KCNB2: variants seen among roughly 807,000 people sequenced by gnomAD.
KCNB2 encodes the protein potassium voltage-gated channel subfamily B member 2, also known as delayed rectifier potassium channel protein.
A neutral mutation model predicts 61.5 loss-of-function variants in KCNB2; 15 were observed. The observed-to-expected ratio is 0.24, with a 90% CI of 0.16 to 0.38. The LOEUF (loss-of-function observed/expected upper bound fraction) is 0.38, where lower values mean the gene tolerates loss of function less well. Ranked by LOEUF, KCNB2 falls within the 10% of genes least tolerant of loss-of-function variation. The pLI, the probability that KCNB2 is intolerant of heterozygous loss-of-function variation, is 1.00. For synonymous variants in KCNB2, 457 were observed against 446.0 expected (o/e 1.02, Z -0.31); for missense variants, 828 against 1,125.2 (o/e 0.74, Z 3.78).
intron 2 of KCNB2, among the ~76,000 whole-genome samples, chr8:72,762,246 G>C (rs754880792): frequency 1.3e-5 from 2 of 152,182 alleles, no homozygotes; most frequent in Non-Finnish European, 2.9e-5. Flanking sequence ...GGGATGTGCT[G>C]TGGATTTGAG....
rs556722756 is a variant in KCNB2, at chr8:72,825,300, A to G, written c.580-110635A>G. ...ATTTTGTCTACCCATTCTTCCATCTATGGCATTTGGGTTGCTTTCACCTTT... is the reference window on the plus strand; with the variant it reads ...ATTTTGTCTACCCATTCTTCCATCTGTGGCATTTGGGTTGCTTTCACCTTT... On this transcript the variant is annotated intron_variant, in intron 2 of 2. Transcript: ENST00000523207. 1.1e-4 allele frequency among the ~76,000 whole-genome samples: 16 copies of G among 152,282 alleles called. No homozygotes were observed. The South Asian group carries it at 2.1e-3, about 20-fold the overall frequency.
rs1406310738 is a variant in KCNB2, at chr8:72,920,473, C to CTATCTATA, written c.580-15459_580-15458insCTATATAT. 7.6e-4 allele frequency among the ~76,000 whole-genome samples: 60 copies of CTATCTATA among 78,800 alleles called. 7 individuals are homozygous for CTATCTATA. Among genetic ancestry groups the CTATCTATA allele is most frequent in the African/African-American group, 2.7e-3 (60 of 22,182 alleles). The allele number at this position is 78,800 out of a possible 152,430, so 51.7% of individuals were successfully genotyped here. A position where few individuals can be genotyped will look rare whatever the true frequency, so the allele number is the denominator to read the frequency against. The stretch of plus-strand genomic sequence containing the variant: ...TCTATCTATCTATCTATCTATCTAT[C>CTATCTATA]TATATATATATATATTAGCTGGCCA... On this transcript the variant is annotated intron_variant, in intron 2 of 2. Coordinates refer to ENST00000523207, the MANE Select transcript of KCNB2 (RefSeq NM_004770.3).
chr8:72,800,114 G>C (rs1809099351), intron 2 of KCNB2, among the ~76,000 whole-genome samples: 1 of 152,134 alleles, frequency 6.6e-6, no homozygotes, highest in South Asian at 2.1e-4. Context: ...AGAATTATCT[G>C]TATTTAAGTA....
chr8:72,737,689 C>A (rs1461572523), intron 2 of KCNB2, among the ~76,000 whole-genome samples: 1 of 152,094 alleles, frequency 6.6e-6, no homozygotes, highest in African/African-American at 2.4e-5. Flanking sequence ...AGTAGTTGGA[C>A]GTGGCAATGG....
intron 2 of KCNB2, among the ~76,000 whole-genome samples, chr8:72,572,528 C>T (rs933252945): frequency 2.0e-5 from 3 of 151,884 alleles, no homozygotes; most frequent in African/African-American, 7.3e-5. Flanking sequence ...CCCTTTCCCC[C>T]ACTCCTCTCC....
intron 2 of KCNB2, among the ~76,000 whole-genome samples, chr8:72,568,962 G>C (rs1806669030): frequency 6.6e-6 from 1 of 151,494 alleles, no homozygotes; most frequent in African/African-American, 2.4e-5. Context: ...ATGTATCAGA[G>C]TTCATAAAAT....
intron 2 of KCNB2, among the ~76,000 whole-genome samples, chr8:72,693,144 T>G (rs1026086928): frequency 6.6e-6 from 1 of 152,210 alleles, no homozygotes; most frequent in African/African-American, 2.4e-5. Flanking sequence ...TTAGGTGCCC[T>G]TTGCCTTACC....
At chr8:72,733,311 G>GTTGA (rs1807782521) in intron 2 of KCNB2, among the ~76,000 whole-genome samples, 1 of 152,020 alleles carries the variant, frequency 6.6e-6, no homozygotes, top group South Asian at 2.1e-4. Context: ...CAAGAATTTT[G>GTTGA]ACTTTGGCTT....
chr8:72,821,158 C>T (rs747053902), intron 2 of KCNB2, among the ~76,000 whole-genome samples: 5 of 152,156 alleles, frequency 3.3e-5, no homozygotes, highest in Admixed American at 6.5e-5. Flanking sequence ...TGTCCCACTG[C>T]GACTTTCTTT....
intron 2 of KCNB2, among the ~76,000 whole-genome samples, chr8:72,612,251 C>A (rs558504256): frequency 2.1e-4 from 32 of 152,210 alleles, no homozygotes; most frequent in Non-Finnish European, 2.9e-4. Context: ...ATTTATTGTT[C>A]TAAAATCAAA....
chr8:72,621,053 T>C (rs960600299), intron 2 of KCNB2, among the ~76,000 whole-genome samples: 1 of 152,226 alleles, frequency 6.6e-6, no homozygotes, highest in Non-Finnish European at 1.5e-5. Context: ...TATTCCAGAA[T>C]AGGAAATATT....
intron 1 of KCNB2, among the ~76,000 whole-genome samples, chr8:72,558,050 G>T (rs1303753252): frequency 6.6e-6 from 1 of 152,108 alleles, no homozygotes. Flanking sequence ...TTCATTTTTT[G>T]GGGGTAGTCC....
At chr8:72,868,636 C>A (rs1250267477) in intron 2 of KCNB2, among the ~76,000 whole-genome samples, 4 of 151,820 alleles carry the variant, frequency 2.6e-5, no homozygotes, top group African/African-American at 9.7e-5. Context: ...AAAAAGGACC[C>A]CATTATTAAA....
intron 2 of KCNB2, among the ~76,000 whole-genome samples, chr8:72,913,846 T>C (rs1806344488): frequency 6.6e-6 from 1 of 152,196 alleles, no homozygotes; most frequent in Admixed American, 6.5e-5. Flanking sequence ...GAATATATCA[T>C]TGTTTGAATT....
chr8:72,663,691 A>G (rs1011148379), intron 2 of KCNB2, among the ~76,000 whole-genome samples: 52 of 152,226 alleles, frequency 3.4e-4, no homozygotes, highest in African/African-American at 1.2e-3. Context: ...GGGGAGATAC[A>G]TGATGCCAGA....
intron 2 of KCNB2, among the ~76,000 whole-genome samples, chr8:72,767,584 G>A (rs966452147): frequency 5.3e-5 from 8 of 152,116 alleles, no homozygotes; most frequent in Non-Finnish European, 8.8e-5. Flanking sequence ...GTTGAATAAC[G>A]TTTTATGGTA....
At chr8:72,853,814 C>CTT (rs1336539450) in intron 2 of KCNB2, among the ~76,000 whole-genome samples, 2 of 152,150 alleles carry the variant, frequency 1.3e-5, no homozygotes, top group African/African-American at 2.4e-5. Context: ...AGTGACAACC[C>CTT]TTTTCTCTGC....
intron 2 of KCNB2, among the ~76,000 whole-genome samples, chr8:72,851,299 T>A (rs1419884461): frequency 6.6e-6 from 1 of 152,266 alleles, no homozygotes; most frequent in African/African-American, 2.4e-5. Context: ...GACAATAAAG[T>A]CTAGTTAGGA....
At chr8:72,916,320 C>G (rs902301910) in intron 2 of KCNB2, among the ~76,000 whole-genome samples, 4 of 152,180 alleles carry the variant, frequency 2.6e-5, no homozygotes, top group Non-Finnish European at 5.9e-5. Context: ...CTGGAGTGCA[C>G]AGATGCTGGA....
Sources: gnomAD v4.1 joint callset for allele counts (sites outside exome capture counted in the v4.1 genomes callset) on GRCh38, gnomAD v4.1.1 for gene constraint, MANE v1.5 for transcripts, NCBI Gene and HGNC (gene_info 2026-07-23, HGNC 2026-07-21) for gene names.